RGS7BP: variants seen among roughly 807,000 people sequenced by gnomAD.
RGS7BP encodes the protein regulator of G protein signaling 7 binding protein, also known as regulator of G protein signaling 7-binding protein.
In RGS7BP, 9 loss-of-function variants were observed where a neutral mutation model predicts 31.3. That is an observed-to-expected ratio of 0.29 (90% CI 0.17 to 0.50). The LOEUF (loss-of-function observed/expected upper bound fraction) is 0.50. Among genes scored for constraint, RGS7BP ranks in the 20% least tolerant of loss-of-function variants. The pLI is 0.98. For missense variants in RGS7BP, 274 were observed against 322.0 expected, an observed-to-expected ratio of 0.85 and a Z score of 1.14; for synonymous variants, 115 against 120.1, an observed-to-expected ratio of 0.96 and a Z score of 0.28.
At chr5:64,521,685 C>T (rs1749112395) in intron 2 of RGS7BP, among the ~76,000 whole-genome samples, 1 of 152,126 alleles carries the variant, frequency 6.6e-6, no homozygotes, top group African/African-American at 2.4e-5. Context: ...AACCATTTTC[C>T]CTTACCCTCG....
chr5:64,515,289 C>T (rs893830066), intron 2 of RGS7BP, among the ~76,000 whole-genome samples: 6 of 152,092 alleles, frequency 3.9e-5, no homozygotes, highest in Non-Finnish European at 8.8e-5. Context: ...AACTCTAAAA[C>T]CAATATGTTG....
At chr5:64,557,217 A>G (rs908550671) in intron 2 of RGS7BP, among the ~76,000 whole-genome samples, 4 of 152,202 alleles carry the variant, frequency 2.6e-5, no homozygotes, top group African/African-American at 9.6e-5. Context: ...ATGTTTCACT[A>G]CAGCACTAGC....
chr5:64,517,522 C>T (rs1226878955), intron 2 of RGS7BP, among the ~76,000 whole-genome samples: 1 of 152,104 alleles, frequency 6.6e-6, no homozygotes, highest in Non-Finnish European at 1.5e-5. Flanking sequence ...CAGAGTGACC[C>T]TATCCTATTC....
chr5:64,594,885 T>A, intron 4 of RGS7BP, 28 bp downstream of exon 4: 1 of 1,609,924 alleles, frequency 6.2e-7, no homozygotes, highest in Non-Finnish European at 8.5e-7. Flanking sequence ...CTGAATAGAC[T>A]GCCAATCCTC....
At chr5:64,528,174 A>C (rs1749278833) in intron 2 of RGS7BP, among the ~76,000 whole-genome samples, 1 of 152,144 alleles carries the variant, frequency 6.6e-6, no homozygotes, top group African/African-American at 2.4e-5. Flanking sequence ...CGGAGAAGGC[A>C]TTTCTCCTGC....
chr5:64,601,419 C>T, intron 5 of RGS7BP: 1 of 981,564 alleles, frequency 1.0e-6, no homozygotes, highest in Non-Finnish European at 1.2e-6. Context: ...AACTCGGCTC[C>T]ACAATGGTTT....
chr5:64,560,716 CA>C (rs753006100), intron 2 of RGS7BP, among the ~76,000 whole-genome samples: 1 of 152,092 alleles, frequency 6.6e-6, no homozygotes, highest in Non-Finnish European at 1.5e-5. Context: ...TAGTCACTAA[CA>C]ATGTCATATA....
intron 2 of RGS7BP, among the ~76,000 whole-genome samples, chr5:64,516,512 C>T: frequency 6.6e-6 from 1 of 152,154 alleles, no homozygotes; most frequent in Non-Finnish European, 1.5e-5. Context: ...TAGATCCAGG[C>T]TAATCCTCCT....
Position 64,589,924 on chromosome 5 carries a change from CAA to C in RGS7BP, c.464-4771_464-4770del, listed in dbSNP as rs77321289. 1.7e-3 allele frequency among the ~76,000 whole-genome samples: 181 copies of C among 104,342 alleles called. 2 individuals carry two copies. Among genetic ancestry groups the C allele is most frequent in the Admixed American group, 2.8e-3 (28 of 10,164 alleles). The allele number at this position is 104,342 out of a possible 152,430, so 68.5% of individuals were successfully genotyped here. ...TGGGCAACAGAGCGAGACCCTGACT[CAA>C]AAAAAAAAAAAAAAGACACAACAAG... On this transcript the variant is annotated intron_variant, in intron 3 of 5. Transcript: ENST00000334025.
At chr5:64,547,766 C>A (rs771869318) in intron 2 of RGS7BP, among the ~76,000 whole-genome samples, 1 of 152,098 alleles carries the variant, frequency 6.6e-6, no homozygotes, top group Non-Finnish European at 1.5e-5. Flanking sequence ...ATTGATGCAT[C>A]TATTCCAATT....
At position 64,585,877 on chromosome 5, in the gene RGS7BP, C is replaced by A. The variant is rs145219256; in HGVS notation, c.464-8833C>A. 2.0e-5 allele frequency among the ~76,000 whole-genome samples: 3 copies of A among 152,234 alleles called. No individual in the cohort carries two copies. In the East Asian group the frequency reaches 5.8e-4, roughly 29 times the overall value. Reference sequence around the variant, plus strand: ...GTCCTAGTTCTAAACAGTGATGCAACCAGCATGGTATGATTTTAAGGTGCT... The same window carrying A: ...GTCCTAGTTCTAAACAGTGATGCAAACAGCATGGTATGATTTTAAGGTGCT... On this transcript the variant is annotated intron_variant, in intron 3 of 5. Transcript: ENST00000334025.
chr5:64,559,491 T>C (rs1327161520), intron 2 of RGS7BP, among the ~76,000 whole-genome samples: 5 of 152,176 alleles, frequency 3.3e-5, no homozygotes, highest in Non-Finnish European at 5.9e-5. Flanking sequence ...CCTTTGGATG[T>C]TGGGGTGCTA....
chr5:64,604,792 A>G (rs1405024088), intron 5 of RGS7BP, among the ~76,000 whole-genome samples: 1 of 151,540 alleles, frequency 6.6e-6, no homozygotes, highest in Non-Finnish European at 1.5e-5. Context: ...TATATAAGAA[A>G]TCTTTTATCA....
chr5:64,548,947 T>C (rs1741725656), intron 2 of RGS7BP, among the ~76,000 whole-genome samples: 1 of 151,994 alleles, frequency 6.6e-6, no homozygotes, highest in Non-Finnish European at 1.5e-5. Context: ...ACATATAAAT[T>C]TGTCGGGGGA....
chr5:64,590,567 C>A (rs776044738), intron 3 of RGS7BP, among the ~76,000 whole-genome samples: 1 of 151,944 alleles, frequency 6.6e-6, no homozygotes, highest in Non-Finnish European at 1.5e-5. Context: ...TTAAATAAAC[C>A]ATTAAACCCA....
chr5:64,587,025 C>T (rs987608405), intron 3 of RGS7BP, among the ~76,000 whole-genome samples: 4 of 152,088 alleles, frequency 2.6e-5, no homozygotes, highest in Non-Finnish European at 5.9e-5. Context: ...TAGTCCAATG[C>T]CAGAGCTGGG....
In RGS7BP at chr5:64,532,469, G is replaced by A. The variant is rs141722200; in HGVS notation, c.332+24592G>A. Among the ~76,000 whole-genome samples the A allele has an allele frequency of 1.6e-3, 247 of 152,180 alleles. 3 individuals carry two copies. The highest frequency in any genetic ancestry group is 5.6e-3 in the African/African-American group (233 of 41,534). On this transcript the variant is annotated intron_variant, in intron 2 of 5. Transcript: ENST00000334025. ...TCTTAGGAGAAATTGTGTAAATACC[G>A]TTTCAAGTGTCAAAATAATAACCTT...
At chr5:64,586,669 T>C (rs895009404) in intron 3 of RGS7BP, among the ~76,000 whole-genome samples, 1 of 152,230 alleles carries the variant, frequency 6.6e-6, no homozygotes, top group African/African-American at 2.4e-5. Flanking sequence ...TTGATCACCA[T>C]GAGTATGTTC....
rs1743525873 is a variant in RGS7BP, at chr5:64,612,296, AAAAC to A, written c.*3052_*3055del. On this transcript the variant is annotated 3_prime_UTR_variant, in exon 6 of 6. Coordinates refer to ENST00000334025, the MANE Select transcript of RGS7BP (RefSeq NM_001029875.3). ...CCACAAGGCCAAGGTGTCACTTAAA[AAAAC>A]AAACAAAAAAAACAAGCCAGAAAAA... The A allele has an allele frequency of 6.6e-6, 1 of 152,302 alleles. No individual in the cohort carries two copies. Among genetic ancestry groups the A allele is most frequent in the Non-Finnish European group, 1.5e-5 (1 of 67,900 alleles). The allele number at this position is 152,302 out of a possible 1,614,324, so 9.4% of individuals were successfully genotyped here.
Sources: gnomAD v4.1 joint callset for allele counts (sites outside exome capture counted in the v4.1 genomes callset) on GRCh38, gnomAD v4.1.1 for gene constraint, MANE v1.5 for transcripts, NCBI Gene and HGNC (gene_info 2026-07-23, HGNC 2026-07-21) for gene names.